SATB2: variants seen among roughly 807,000 people sequenced by gnomAD.
SATB2 encodes the protein SATB homeobox 2.
A neutral mutation model predicts 73.4 loss-of-function variants in SATB2; 1 was observed. That is an observed-to-expected ratio of 0.01 (90% CI 0.00 to 0.06). The LOEUF is 0.06. Among genes scored for constraint, SATB2 ranks in the 10% least tolerant of loss-of-function variants. SATB2 has a pLI of 1.00. For synonymous variants in SATB2, 397 were observed against 367.0 expected, an observed-to-expected ratio of 1.08 and a Z score of -0.93; for missense variants, 459 against 945.8, an observed-to-expected ratio of 0.49 and a Z score of 6.75.
At chr2:199,329,013 C>T (rs1045826467) in intron 7 of SATB2, 103 bp from the exon 8 acceptor site, 17 of 854,544 alleles carry the variant, frequency 2.0e-5, no homozygotes, top group Middle Eastern at 2.3e-4. Context: ...TTAACCAGCT[C>T]GCTGTGATGT....
chr2:199,458,986 T>G (rs1407200150), upstream of SATB2, among the ~76,000 whole-genome samples: 2 of 151,852 alleles, frequency 1.3e-5, no homozygotes, highest in Non-Finnish European at 2.9e-5. Flanking sequence ...GGGCTGTGGG[T>G]GGCACAGGAA....
intron 3 of SATB2, among the ~76,000 whole-genome samples, chr2:199,386,146 T>C (rs1339672640): frequency 6.6e-6 from 1 of 152,186 alleles, no homozygotes; most frequent in Non-Finnish European, 1.5e-5. Context: ...CCAGAAGCAA[T>C]TCATATTTCT....
chr2:199,380,520 A>G (rs1243378706), intron 4 of SATB2, 33 bp from the exon 5 acceptor site: 3 of 1,607,936 alleles, frequency 1.9e-6, no homozygotes, highest in Non-Finnish European at 1.7e-6. Flanking sequence ...ACAATACACA[A>G]ACCTCAACCA....
At chr2:199,388,979 T>C (rs1690039412) in intron 3 of SATB2, among the ~76,000 whole-genome samples, 1 of 152,280 alleles carries the variant, frequency 6.6e-6, no homozygotes, top group South Asian at 2.1e-4. Flanking sequence ...AATTAAAAAC[T>C]GTCTATCCTA....
At chr2:199,460,926 G>A (rs569218580), upstream of SATB2, among the ~76,000 whole-genome samples, 5 of 152,242 alleles carry the variant, frequency 3.3e-5, no homozygotes, top group Admixed American at 1.3e-4. The surrounding 1 kb of genome is among the most constrained non-coding windows in gnomAD (Gnocchi z 4.0). Flanking sequence ...TGGTTAGTTT[G>A]TTTTCAGATT....
At chr2:199,381,560 C>T (rs1198851122) in intron 4 of SATB2, 134 bp downstream of exon 4, 2 of 1,264,944 alleles carry the variant, frequency 1.6e-6, no homozygotes. Context: ...CTCCTTCTTT[C>T]CCTCTCTCTC....
At chr2:199,298,040 C>T (rs1687167021) in intron 10 of SATB2, among the ~76,000 whole-genome samples, 2 of 152,240 alleles carry the variant, frequency 1.3e-5, no homozygotes, top group Admixed American at 1.3e-4. Flanking sequence ...CAGGCATGCT[C>T]CCGTTATCTT....
chr2:199,393,429 T>C (rs2105883804), intron 3 of SATB2, among the ~76,000 whole-genome samples: 1 of 152,234 alleles, frequency 6.6e-6, no homozygotes, highest in East Asian at 1.9e-4. Flanking sequence ...CTTGGTACCC[T>C]GGATATCCAG....
chr2:199,455,735 G>A lies in SATB2; in HGVS notation c.169+134C>T. 1.0e-6 allele frequency: 1 copy of A among 969,190 alleles called. No homozygotes were observed. Among genetic ancestry groups the A allele is most frequent in the Non-Finnish European group, 1.6e-6 (1 of 643,630 alleles). The allele number at this position is 969,190 out of a possible 1,614,324, so 60.0% of individuals were successfully genotyped here. On this transcript the variant is annotated intron_variant, in intron 2 of 10. Coordinates refer to ENST00000417098, the MANE Select transcript of SATB2 (RefSeq NM_001172509.2). The surrounding 1 kb of genome is among the most constrained non-coding windows in gnomAD (Gnocchi z 4.1). ...ACCAGTTGCAGATGAGAGGCGACGGGGGCATTATTTGGCAACCTGGAATTC... is the reference window on the plus strand; with the variant it reads ...ACCAGTTGCAGATGAGAGGCGACGGAGGCATTATTTGGCAACCTGGAATTC...
At chr2:199,321,494 G>A (rs6435012) in intron 9 of SATB2, among the ~76,000 whole-genome samples, 139,100 of 150,630 alleles carry the variant, frequency 0.92, 65,232 homozygotes, top group East Asian at 1. Flanking sequence ...GTATATATGT[G>A]TATATACACA....
chr2:199,444,826 T>C (rs1003099130), intron 2 of SATB2, among the ~76,000 whole-genome samples: 4 of 152,202 alleles, frequency 2.6e-5, no homozygotes, highest in African/African-American at 9.6e-5. Flanking sequence ...CATGACAGTT[T>C]CTATAAGTTC....
intron 10 of SATB2, among the ~76,000 whole-genome samples, chr2:199,306,219 G>A (rs1574489760): frequency 6.6e-6 from 1 of 152,104 alleles, no homozygotes; most frequent in Admixed American, 6.5e-5. Context: ...TTAGTCTCAG[G>A]AGTTCTGCTG....
chr2:199,310,463 A>G (rs1687566190), intron 9 of SATB2, among the ~76,000 whole-genome samples: 1 of 152,212 alleles, frequency 6.6e-6, no homozygotes, highest in African/African-American at 2.4e-5. Flanking sequence ...GGTGCAATGT[A>G]TATAAAAAAT....
intron 5 of SATB2, among the ~76,000 whole-genome samples, chr2:199,376,079 T>C (rs1689595304): frequency 6.6e-6 from 1 of 152,184 alleles, no homozygotes; most frequent in Non-Finnish European, 1.5e-5. Flanking sequence ...ATCTGGAATG[T>C]TTAAGGATAA....
intron 10 of SATB2, among the ~76,000 whole-genome samples, chr2:199,294,540 G>A (rs1051934854): frequency 6.6e-6 from 1 of 152,032 alleles, no homozygotes; most frequent in Admixed American, 6.5e-5. Flanking sequence ...CTGTCTCCTT[G>A]GGAGGCTTTC....
chr2:199,365,083 G>A (rs1488235797), intron 6 of SATB2, among the ~76,000 whole-genome samples: 1 of 152,014 alleles, frequency 6.6e-6, no homozygotes, highest in Non-Finnish European at 1.5e-5. Context: ...ATAATCCCAA[G>A]ACCTTAAAAA....
At chr2:199,316,768 C>G (rs1166016576) in intron 9 of SATB2, among the ~76,000 whole-genome samples, 2 of 152,042 alleles carry the variant, frequency 1.3e-5, no homozygotes, top group African/African-American at 2.4e-5. Flanking sequence ...TACACCTTTA[C>G]ACATATAAAT....
In SATB2 at chr2:199,341,854, T is replaced by C. The variant is rs540009636; in HGVS notation, c.1173+6847A>G. ...AGAGACTACCACACCAGTGATTTAT[T>C]AAGATGGACTTCCAAGGGAAACTGC... On this transcript the variant is annotated intron_variant, in intron 7 of 10. Coordinates refer to ENST00000417098, the MANE Select transcript of SATB2 (RefSeq NM_001172509.2). Among the ~76,000 whole-genome samples the C allele has an allele frequency of 4.3e-4, 66 of 152,280 alleles. 1 individual carries two copies. The highest frequency in any genetic ancestry group is 1.5e-3 in the African/African-American group (64 of 41,562).
intron 3 of SATB2, among the ~76,000 whole-genome samples, chr2:199,383,814 G>A (rs1385087194): frequency 6.6e-6 from 1 of 152,136 alleles, no homozygotes; most frequent in Non-Finnish European, 1.5e-5. Context: ...CCACACTACA[G>A]CCAGACACAA....
Sources: gnomAD v4.1 joint callset for allele counts (sites outside exome capture counted in the v4.1 genomes callset) on GRCh38, gnomAD v4.1.1 for gene constraint, Gnocchi (gnomAD v3.1) non-coding constraint, MANE v1.5 for transcripts, NCBI Gene and HGNC (gene_info 2026-07-23, HGNC 2026-07-21) for gene names.